EBAG9: variants seen among roughly 807,000 people sequenced by gnomAD.
EBAG9 encodes the protein estrogen receptor binding site associated antigen 9.
Under a neutral mutation model 30.9 loss-of-function variants are expected in EBAG9, and 16 were observed. That is an observed-to-expected ratio of 0.52 (90% CI 0.35 to 0.79). The LOEUF (loss-of-function observed/expected upper bound fraction) is 0.79, where lower values mean the gene tolerates loss of function less well. EBAG9 is among the 30% of genes least tolerant of loss of function. The pLI is 0.01. For synonymous variants in EBAG9, 93 were observed against 82.8 expected (o/e 1.12, Z -0.67); for missense variants, 197 against 242.1 (o/e 0.81, Z 1.24).
upstream of EBAG9, chr8:109,540,080 A>G (rs1586682212): frequency 6.6e-6 from 1 of 152,240 alleles, no homozygotes; most frequent in East Asian, 1.9e-4. Flanking sequence ...CCCTTCCACC[A>G]GACCTCCCTC....
At chr8:109,552,297 A>G (rs1333858659) in intron 2 of EBAG9, among the ~76,000 whole-genome samples, 2 of 152,054 alleles carry the variant, frequency 1.3e-5, no homozygotes, top group African/African-American at 4.8e-5. Context: ...TTGCAAGAGA[A>G]CAAGTGGGTG....
At chr8:109,564,297 AT>A in intron 6 of EBAG9, 141 bp from the exon 7 acceptor site, 1 of 1,107,418 alleles carries the variant, frequency 9.0e-7, no homozygotes, top group Non-Finnish European at 1.3e-6. Flanking sequence ...AATATTTGGA[AT>A]TTTCAAATTA....
At chr8:109,543,647 A>G (rs1821324529) in intron 1 of EBAG9, among the ~76,000 whole-genome samples, 1 of 152,064 alleles carries the variant, frequency 6.6e-6, no homozygotes, top group African/African-American at 2.4e-5. Context: ...TTACTATATA[A>G]TTTTTAACCT....
At chr8:109,561,077 C>A in intron 6 of EBAG9, 148 bp downstream of exon 6, 1 of 627,140 alleles carries the variant, frequency 1.6e-6, no homozygotes. Context: ...TTTTGTATTT[C>A]AGACTGCAGA....
intron 1 of EBAG9, among the ~76,000 whole-genome samples, chr8:109,543,652 T>C (rs1821324578): frequency 6.6e-6 from 1 of 152,180 alleles, no homozygotes; most frequent in Admixed American, 6.5e-5. Flanking sequence ...ATATAATTTT[T>C]AACCTATTCA....
At chr8:109,564,223 G>C (rs1262700494) in intron 6 of EBAG9, among the ~76,000 whole-genome samples, 2 of 152,052 alleles carry the variant, frequency 1.3e-5, no homozygotes, top group East Asian at 3.9e-4. Context: ...TTGTAAAATA[G>C]AGATAATATT....
At chr8:109,562,272 T>C (rs985706955) in intron 6 of EBAG9, among the ~76,000 whole-genome samples, 4 of 152,046 alleles carry the variant, frequency 2.6e-5, no homozygotes, top group African/African-American at 9.7e-5. Flanking sequence ...CTTAATATTG[T>C]ACAAAAACCT....
Position 109,548,798 on chromosome 8 carries a change from C to T in EBAG9, c.-15-2012C>T, listed in dbSNP as rs527276878. ...TAGAAATACAATTAATGGTAGATCCCGTTGAATTTTCCACATAGAATATCA... is the reference window on the plus strand; with the variant it reads ...TAGAAATACAATTAATGGTAGATCCTGTTGAATTTTCCACATAGAATATCA... On this transcript the variant is annotated intron_variant, in intron 1 of 6. Coordinates refer to ENST00000337573, the MANE Select transcript of EBAG9 (RefSeq NM_004215.5). 6.5e-4 allele frequency among the ~76,000 whole-genome samples: 99 copies of T among 151,490 alleles called. 1 individual carries two copies. The highest frequency in any genetic ancestry group is 2.2e-3 in the African/African-American group (92 of 41,382).
chr8:109,540,855 GTAAA>G (rs1290298172), intron 1 of EBAG9: 1 of 152,056 alleles, frequency 6.6e-6, no homozygotes, highest in Non-Finnish European at 1.5e-5. Flanking sequence ...GAAAAGATTC[GTAAA>G]TAGAGTTTTA....
intron 4 of EBAG9, among the ~76,000 whole-genome samples, chr8:109,556,442 G>T (rs1821599214): frequency 6.6e-6 from 1 of 152,060 alleles, no homozygotes; most frequent in Admixed American, 6.6e-5. Flanking sequence ...GTATACTGCT[G>T]CTCTCAGTAG....
intron 6 of EBAG9, chr8:109,563,650 A>C: frequency 3.1e-6 from 3 of 980,536 alleles, no homozygotes; most frequent in South Asian, 1.9e-5. Flanking sequence ...ACAGGTAAAC[A>C]TGTGTCAAGG....
Position 109,540,181 on chromosome 8 carries a change from A to G in EBAG9, c.-296A>G, listed in dbSNP as rs576052947. The stretch of plus-strand genomic sequence containing the variant: ...GACTGGGAGCGGGACCCAGGCGTGC[A>G]GCATTCGCCATGCTCCGCTCACGCG... On this transcript the variant is annotated 5_prime_UTR_variant, in exon 1 of 7. Transcript: ENST00000337573. 6.6e-6 allele frequency: 1 copy of G among 152,536 alleles called. No homozygotes were observed. Among genetic ancestry groups the G allele is most frequent in the South Asian group, 2.1e-4 (1 of 4,832 alleles). The allele number at this position is 152,536 out of a possible 1,614,324, so 9.4% of individuals were successfully genotyped here.
At chr8:109,557,293 A>G (rs914041287) in intron 5 of EBAG9, among the ~76,000 whole-genome samples, 5 of 152,212 alleles carry the variant, frequency 3.3e-5, no homozygotes, top group Non-Finnish European at 5.9e-5. Context: ...GTTATTTAAA[A>G]ATATAAACAT....
Position 109,564,554 on chromosome 8 carries a change from T to C in EBAG9, c.637T>C (p.Ser213Pro). 1.2e-6 allele frequency: 2 copies of C among 1,611,708 alleles called. No individual in the cohort carries two copies. The highest frequency in any genetic ancestry group is 1.7e-6 in the Non-Finnish European group (2 of 1,178,450). ...ACAAAACAAAATTGGTGTGAAACTTTCATAACACATGTTCAAATTTTATCA... is the reference window on the plus strand; with the variant it reads ...ACAAAACAAAATTGGTGTGAAACTTCCATAACACATGTTCAAATTTTATCA... ...KEQNKIGVKL[S>P] Residue 213 changes from serine (S) to proline (P), a missense_variant, in exon 7 of 7, where the codon TCA becomes CCA. Physicochemically the swap from Ser to Pro is moderately conservative, Grantham distance 74. Transcript: ENST00000337573.
chr8:109,547,831 A>C (rs1203798260), intron 1 of EBAG9, among the ~76,000 whole-genome samples: 7 of 151,976 alleles, frequency 4.6e-5, no homozygotes, highest in Non-Finnish European at 1.0e-4. Flanking sequence ...CTCGTTTTTA[A>C]ATTGAGTTTT....
chr8:109,558,062 C>G (rs995296834), intron 5 of EBAG9: 1 of 159,240 alleles, frequency 6.3e-6, no homozygotes, highest in Non-Finnish European at 1.4e-5. Context: ...ACATGCAAGC[C>G]TCCACCTCTT....
At chr8:109,554,051 A>AT in intron 3 of EBAG9, 108 bp downstream of exon 3, 1 of 739,660 alleles carries the variant, frequency 1.4e-6, no homozygotes. Flanking sequence ...ATAGAAATTA[A>AT]TTTTTGTTGT....
upstream of EBAG9, chr8:109,539,886 C>A: frequency 6.6e-6 from 1 of 152,332 alleles, no homozygotes; most frequent in East Asian, 1.9e-4. Context: ...CAGCTCGGAG[C>A]CTCCGCCGGG....
rs749793004 is a variant in EBAG9, at chr8:109,556,959, T to C, written c.346T>C (p.Leu116=). 4.4e-6 allele frequency: 7 copies of C among 1,599,236 alleles called. No homozygotes were observed. The highest frequency in any genetic ancestry group is 1.3e-5 in the African/African-American group (1 of 74,512). Residue 116 remains leucine, a synonymous_variant, in exon 5 of 7, where the codon TTG becomes CTG. Coordinates refer to ENST00000337573, the MANE Select transcript of EBAG9 (RefSeq NM_004215.5). Reference sequence around the variant, plus strand: ...GATTGTTATTAAGAAGAGAGAACCATTGAATTTTGGCATCCCAGATGGGAG... The same window carrying C: ...GATTGTTATTAAGAAGAGAGAACCACTGAATTTTGGCATCCCAGATGGGAG... ...QKIVIKKREP[L]NFGIPDGSTG...
Sources: allele counts gnomAD v4.1 joint callset (sites outside exome capture counted in the v4.1 genomes callset), GRCh38; gene constraint gnomAD v4.1.1; transcripts MANE v1.5; gene names NCBI Gene and HGNC (gene_info 2026-07-23, HGNC 2026-07-21).